The following CDH13 variants were observed in gnomAD, a reference collection of about 807,000 sequenced individuals.
The protein encoded by CDH13 is cadherin-13.
CDH13 carries 24 observed loss-of-function variants against 63.8 expected under a neutral mutation model. The ratio of observed to expected loss-of-function variants is 0.38; its 90% CI spans 0.27 to 0.53. The LOEUF is 0.53. Among genes scored for constraint, CDH13 ranks in the 20% least tolerant of loss-of-function variants. The pLI is 0.85. For synonymous variants in CDH13, 503 were observed against 355.3 expected, an observed-to-expected ratio of 1.42 and a Z score of -4.67; for missense variants, 1,049 against 903.1, an observed-to-expected ratio of 1.16 and a Z score of -2.07.
At chr16:83,593,085 A>G (rs1320148403) in intron 7 of CDH13, among the ~76,000 whole-genome samples, 2 of 152,180 alleles carry the variant, frequency 1.3e-5, no homozygotes, top group South Asian at 2.1e-4. Context: ...GTTTTCACCA[A>G]TCTTTTGCAA....
chr16:83,246,124 G>C (rs1904968318), intron 5 of CDH13, among the ~76,000 whole-genome samples: 1 of 152,120 alleles, frequency 6.6e-6, no homozygotes. Context: ...ATTTAGAATA[G>C]GGTTTTATTA....
rs183505552 is a variant in CDH13, at chr16:82,891,768, C to G, written c.157+33295C>G. ...TTTGGGTTTCCATAGGACCAGGCAA[C>G]ATAATGACCCACCTGAAGATGAAAT... On this transcript the variant is annotated intron_variant, in intron 2 of 13. Transcript: ENST00000567109. 6.6e-5 allele frequency among the ~76,000 whole-genome samples: 10 copies of G among 152,290 alleles called. No individual in the cohort carries two copies. In the East Asian group the frequency reaches 1.9e-3, roughly 29 times the overall value.
intron 1 of CDH13, among the ~76,000 whole-genome samples, chr16:82,676,262 C>CTGTAAGA (rs1189252246): frequency 6.6e-6 from 1 of 152,148 alleles, no homozygotes; most frequent in African/African-American, 2.4e-5. Context: ...TCAAAGGCAC[C>CTGTAAGA]TTGGATTCCA....
chr16:82,888,834 A>C (rs538216738), intron 2 of CDH13, among the ~76,000 whole-genome samples: 1 of 152,170 alleles, frequency 6.6e-6, no homozygotes, highest in African/African-American at 2.4e-5. Flanking sequence ...TCTAGATGCA[A>C]TTGTTTTCTA....
At chr16:83,559,270 T>A (rs1238098951) in intron 7 of CDH13, among the ~76,000 whole-genome samples, 1 of 152,166 alleles carries the variant, frequency 6.6e-6, no homozygotes, top group African/African-American at 2.4e-5. Flanking sequence ...TGGTCTTTAA[T>A]TTTTATTTGA....
At chr16:83,328,235 C>T (rs1354772902) in intron 5 of CDH13, among the ~76,000 whole-genome samples, 1 of 151,894 alleles carries the variant, frequency 6.6e-6, no homozygotes, top group Non-Finnish European at 1.5e-5. Context: ...ATATAAGAAA[C>T]AGAAGTCCAT....
intron 5 of CDH13, among the ~76,000 whole-genome samples, chr16:83,247,291 A>G (rs1374930770): frequency 6.6e-6 from 1 of 152,150 alleles, no homozygotes; most frequent in African/African-American, 2.4e-5. Flanking sequence ...CACCAGACAT[A>G]ATTTACATGG....
In CDH13 at chr16:83,706,822, C is replaced by G. The variant is rs532068646; in HGVS notation, c.1538+28361C>G. 6.6e-5 allele frequency among the ~76,000 whole-genome samples: 10 copies of G among 152,322 alleles called. No individual in the cohort carries two copies. The East Asian group carries it at 1.2e-3, about 18-fold the overall frequency. On this transcript the variant is annotated intron_variant, in intron 10 of 13. Transcript: ENST00000567109. ...TGAATGGATGATATTTTTAGGCTCTCACGATCAGGACAAATCAGCTCCAAG... is the reference window on the plus strand; with the variant it reads ...TGAATGGATGATATTTTTAGGCTCTGACGATCAGGACAAATCAGCTCCAAG...
chr16:83,176,877 T>C (rs979109562), intron 4 of CDH13, among the ~76,000 whole-genome samples: 1 of 152,030 alleles, frequency 6.6e-6, no homozygotes, highest in African/African-American at 2.4e-5. Flanking sequence ...TTAGTTACCT[T>C]CCTCTCCCAT....
intron 2 of CDH13, among the ~76,000 whole-genome samples, chr16:82,895,899 C>G (rs11150516): frequency 0.79 from 120,677 of 152,034 alleles, 48,012 homozygotes; most frequent in East Asian, 0.87. Flanking sequence ...ACAAGATCAG[C>G]CTCCCCTCTG....
intron 6 of CDH13, among the ~76,000 whole-genome samples, chr16:83,420,209 C>T (rs2151468986): frequency 6.6e-6 from 1 of 152,226 alleles, no homozygotes; most frequent in African/African-American, 2.4e-5. Flanking sequence ...ATCGAGCTGT[C>T]ACAATCTCTA....
At chr16:83,734,336 G>T (rs1911323161) in intron 10 of CDH13, among the ~76,000 whole-genome samples, 2 of 152,124 alleles carry the variant, frequency 1.3e-5, no homozygotes, top group Non-Finnish European at 2.9e-5. Flanking sequence ...GCTTTAATCG[G>T]GTGCTGCTGC....
chr16:83,724,131 T>A (rs1910056021), intron 10 of CDH13, among the ~76,000 whole-genome samples: 1 of 145,864 alleles, frequency 6.9e-6, no homozygotes, highest in Non-Finnish European at 1.5e-5. Flanking sequence ...GATGAATGCA[T>A]GGGTGGGTGA....
chr16:83,015,437 C>A (rs1271403503), intron 2 of CDH13, among the ~76,000 whole-genome samples: 1 of 151,336 alleles, frequency 6.6e-6, no homozygotes, highest in Non-Finnish European at 1.5e-5. Context: ...AAGTGTCATT[C>A]TTTTCTGCCT....
chr16:82,877,620 C>G (rs115078055), intron 2 of CDH13, among the ~76,000 whole-genome samples: 1 of 152,000 alleles, frequency 6.6e-6, no homozygotes, highest in Non-Finnish European at 1.5e-5. Flanking sequence ...TTGGGAAATT[C>G]TGTTTTGTTT....
intron 3 of CDH13, among the ~76,000 whole-genome samples, chr16:83,082,475 A>T (rs5029020): frequency 0.55 from 83,252 of 150,882 alleles, 23,066 homozygotes; most frequent in East Asian, 0.69. Flanking sequence ...AAATAAAAAT[A>T]AAAAAAAAAT....
intron 4 of CDH13, among the ~76,000 whole-genome samples, chr16:83,150,296 T>TTC (rs1352000794): frequency 4.6e-5 from 7 of 151,936 alleles, no homozygotes; most frequent in Middle Eastern, 3.4e-3. Flanking sequence ...ACATCCCTAA[T>TTC]TCTCTCTCTC....
intron 8 of CDH13, among the ~76,000 whole-genome samples, chr16:83,669,533 C>T (rs901987985): frequency 3.9e-5 from 6 of 152,120 alleles, no homozygotes; most frequent in African/African-American, 1.4e-4. Flanking sequence ...TTCTCATTCC[C>T]ACTATTTTCT....
intron 2 of CDH13, among the ~76,000 whole-genome samples, chr16:82,904,311 G>A (rs941586746): frequency 6.6e-6 from 1 of 152,128 alleles, no homozygotes. Context: ...ACTTCAGAAG[G>A]CTTTGGCATC....
Sources: allele counts gnomAD v4.1 joint callset (sites outside exome capture counted in the v4.1 genomes callset), GRCh38; gene constraint gnomAD v4.1.1; transcripts MANE v1.5; gene names NCBI Gene and HGNC (gene_info 2026-07-23, HGNC 2026-07-21).